The following NRXN1 variants were observed in gnomAD, a reference collection of about 807,000 sequenced individuals.
NRXN1 encodes neurexin 1, also known as neurexin-1.
In NRXN1, 39 loss-of-function variants were observed where a neutral mutation model predicts 150.9. The ratio of observed to expected loss-of-function variants is 0.26; its 90% CI spans 0.20 to 0.34. The LOEUF (loss-of-function observed/expected upper bound fraction) is 0.34, where lower values mean the gene tolerates loss of function less well. Ranked by LOEUF, NRXN1 falls within the 10% of genes least tolerant of loss-of-function variation. The pLI, the probability that NRXN1 is intolerant of heterozygous loss-of-function variation, is 1.00. For synonymous variants in NRXN1, 924 were observed against 757.0 expected (o/e 1.22, Z -3.62); for missense variants, 1,815 against 1,949.9 (o/e 0.93, Z 1.30).
chr2:50,353,473 C>T lies in NRXN1; in HGVS notation c.3364+111969G>A, dbSNP rs1164563894. Among the ~76,000 whole-genome samples the T allele has an allele frequency of 3.9e-5, 6 of 152,060 alleles. No homozygotes were observed. The East Asian group carries it at 9.6e-4, about 24-fold the overall frequency. ...GACAACATGAGACTGGAGTGCCTGA[C>T]TGTGAGTATGAATCCAAGCTTCATT... On this transcript the variant is annotated intron_variant, in intron 17 of 22. Transcript: ENST00000401669.
chr2:50,607,721 T>C (rs1210222842), intron 8 of NRXN1, among the ~76,000 whole-genome samples: 1 of 147,346 alleles, frequency 6.8e-6, no homozygotes, highest in Non-Finnish European at 1.5e-5. Flanking sequence ...ATTTTTGCTA[T>C]GAAAGCAGGA....
chr2:50,115,207 T>C (rs939891362), intron 18 of NRXN1, among the ~76,000 whole-genome samples: 4 of 124,360 alleles, frequency 3.2e-5, no homozygotes, highest in African/African-American at 1.2e-4. Context: ...AAAACATATA[T>C]ATGTTATGTG....
At chr2:50,187,062 A>G (rs1400485482) in intron 18 of NRXN1, among the ~76,000 whole-genome samples, 1 of 152,082 alleles carries the variant, frequency 6.6e-6, no homozygotes, top group Non-Finnish European at 1.5e-5. Context: ...ATAAAATCAT[A>G]GTTAATAACA....
chr2:50,038,210 G>T (rs1690347942), intron 21 of NRXN1, among the ~76,000 whole-genome samples: 1 of 152,174 alleles, frequency 6.6e-6, no homozygotes, highest in South Asian at 2.1e-4. Context: ...ACATTGTGGT[G>T]GCGTCTAAGA....
chr2:50,471,817 C>CA (rs1241745537), intron 16 of NRXN1, among the ~76,000 whole-genome samples: 3 of 151,670 alleles, frequency 2.0e-5, no homozygotes, highest in Admixed American at 1.3e-4. Flanking sequence ...ATCATCTGTA[C>CA]AAAAAACCCC....
intron 21 of NRXN1, among the ~76,000 whole-genome samples, chr2:50,002,671 T>C (rs1477249): frequency 0.84 from 127,982 of 152,074 alleles, 53,938 homozygotes; most frequent in Middle Eastern, 0.89. Flanking sequence ...GATGAGCTTC[T>C]GTCATCCTTC....
rs374703712 is a variant in NRXN1 at position 49,921,796 on chromosome 2, T to A, written c.*148A>T. Reference sequence around the variant, plus strand: ...GAAACAAGAGCATGAGATACTTGTTTTTATTTTTTAAAAAGTCTTTCCTTC... The same window carrying A: ...GAAACAAGAGCATGAGATACTTGTTATTATTTTTTAAAAAGTCTTTCCTTC... On this transcript the variant is annotated 3_prime_UTR_variant, in exon 23 of 23. Coordinates refer to ENST00000401669, the MANE Select transcript of NRXN1 (RefSeq NM_001330078.2). 5 of 844,812 alleles carry A rather than the reference T, an allele frequency of 5.9e-6. No individual in the cohort carries two copies. In the African/African-American group the frequency reaches 8.6e-5, roughly 14 times the overall value. 52.3% of individuals were successfully genotyped at this position (844,812 alleles called of 1,614,324 possible).
intron 5 of NRXN1, among the ~76,000 whole-genome samples, chr2:50,760,526 G>A (rs1701685691): frequency 1.3e-5 from 2 of 151,806 alleles, no homozygotes; most frequent in South Asian, 4.1e-4. Context: ...CAGCTGTTGT[G>A]AGGCTCCTCT....
At chr2:49,966,300 G>A (rs1210655456) in intron 21 of NRXN1, among the ~76,000 whole-genome samples, 2 of 152,046 alleles carry the variant, frequency 1.3e-5, no homozygotes, top group Non-Finnish European at 2.9e-5. Context: ...CTCGAAATGA[G>A]CATCTGTATT....
At chr2:50,415,322 C>G (rs1445733025) in intron 17 of NRXN1, among the ~76,000 whole-genome samples, 1 of 152,048 alleles carries the variant, frequency 6.6e-6, no homozygotes, top group Non-Finnish European at 1.5e-5. Flanking sequence ...ACTTTAGCAA[C>G]CAGACACCAG....
intron 21 of NRXN1, among the ~76,000 whole-genome samples, chr2:50,010,918 A>C (rs1244623534): frequency 6.6e-6 from 1 of 152,202 alleles, no homozygotes; most frequent in Non-Finnish European, 1.5e-5. Context: ...CATTAATGAC[A>C]TAAAATATCT....
At chr2:50,655,010 T>C (rs1435370540) in intron 5 of NRXN1, among the ~76,000 whole-genome samples, 2 of 151,372 alleles carry the variant, frequency 1.3e-5, no homozygotes, top group Non-Finnish European at 2.9e-5. Flanking sequence ...TCTAATTAAT[T>C]TGCAACCTGG....
At chr2:50,128,406 T>G (rs1398392928) in intron 18 of NRXN1, among the ~76,000 whole-genome samples, 1 of 152,140 alleles carries the variant, frequency 6.6e-6, no homozygotes, top group East Asian at 1.9e-4. Context: ...GTATTCGAAC[T>G]AAAATAATAT....
intron 5 of NRXN1, among the ~76,000 whole-genome samples, chr2:50,751,057 G>A (rs1700537378): frequency 1.3e-5 from 2 of 151,912 alleles, no homozygotes; most frequent in East Asian, 1.9e-4. Flanking sequence ...AGTGTCAGTG[G>A]CACAGGTAGT....
intron 17 of NRXN1, among the ~76,000 whole-genome samples, chr2:50,246,856 G>T (rs2066549250): frequency 6.6e-6 from 1 of 151,786 alleles, no homozygotes; most frequent in African/African-American, 2.4e-5. Flanking sequence ...GTCTTTTATT[G>T]AAATATCCAT....
At chr2:50,788,376 C>T (rs991403316) in intron 5 of NRXN1, among the ~76,000 whole-genome samples, 1 of 151,974 alleles carries the variant, frequency 6.6e-6, no homozygotes, top group Non-Finnish European at 1.5e-5. Flanking sequence ...CATGAGCCAC[C>T]GCGCCCGGCC....
chr2:50,282,559 T>C (rs1915236), intron 17 of NRXN1, among the ~76,000 whole-genome samples: 83,797 of 151,872 alleles, frequency 0.55, 23,287 homozygotes, highest in Middle Eastern at 0.57. Context: ...GATTTGGGTA[T>C]GATGATGAAG....
intron 5 of NRXN1, among the ~76,000 whole-genome samples, chr2:50,816,398 C>T (rs972851178): frequency 6.6e-6 from 1 of 151,986 alleles, no homozygotes; most frequent in African/African-American, 2.4e-5. Flanking sequence ...TCAATGGGTT[C>T]TTCCTTCATC....
chr2:50,971,297 A>G (rs1447688248), intron 2 of NRXN1, among the ~76,000 whole-genome samples: 4 of 152,148 alleles, frequency 2.6e-5, no homozygotes, highest in African/African-American at 4.8e-5. Flanking sequence ...GTTTAAAACA[A>G]TAACAGGCCG....
Sources: gnomAD v4.1 joint callset for allele counts (sites outside exome capture counted in the v4.1 genomes callset) on GRCh38, gnomAD v4.1.1 for gene constraint, MANE v1.5 for transcripts, NCBI Gene and HGNC (gene_info 2026-07-23, HGNC 2026-07-21) for gene names.